CSMD2: variants seen among roughly 807,000 people sequenced by gnomAD.
The protein encoded by CSMD2 is CUB and sushi domain-containing protein 2.
Under a neutral mutation model 398.5 loss-of-function variants are expected in CSMD2, and 130 were observed. The observed-to-expected ratio is 0.33, with a 90% confidence interval of 0.28 to 0.38. CSMD2 has a LOEUF of 0.38. Among genes scored for constraint, CSMD2 ranks in the 10% least tolerant of loss-of-function variants. The probability of loss-of-function intolerance (pLI) is 1.00; values close to 1 mark genes in which losing one functional copy is unlikely to be tolerated. For missense variants in CSMD2, 3,829 were observed against 4,764.9 expected (o/e 0.80, Z 5.78); for synonymous variants, 1,828 against 1,908.5 (o/e 0.96, Z 1.10).
chr1:33,746,884 C>A (rs551195878), intron 13 of CSMD2, among the ~76,000 whole-genome samples: 1 of 152,298 alleles, frequency 6.6e-6, no homozygotes, highest in East Asian at 1.9e-4. Context: ...AAAGTCTGTA[C>A]AAATATTAAT....
At chr1:34,138,186 G>C (rs1638937568) in intron 1 of CSMD2, among the ~76,000 whole-genome samples, 1 of 152,068 alleles carries the variant, frequency 6.6e-6, no homozygotes, top group Admixed American at 6.6e-5. Context: ...TGATCCTTCT[G>C]GGGGGTCCCT....
chr1:34,060,973 C>T (rs1353131641), intron 2 of CSMD2, among the ~76,000 whole-genome samples: 12 of 152,074 alleles, frequency 7.9e-5, no homozygotes, highest in Non-Finnish European at 2.9e-5. Context: ...TCTGTCACGA[C>T]TGGAGACAGC....
At chr1:33,605,981 A>G in intron 41 of CSMD2, 1 of 1,612,300 alleles carries the variant, frequency 6.2e-7, no homozygotes, top group South Asian at 1.1e-5. Context: ...GGTGGGAGTA[A>G]GTCAAATCTG....
At chr1:33,832,363 C>G (rs1659684285) in intron 6 of CSMD2, among the ~76,000 whole-genome samples, 1 of 150,170 alleles carries the variant, frequency 6.7e-6, no homozygotes, top group Non-Finnish European at 1.5e-5. Flanking sequence ...GAAACGGACT[C>G]AAAACCGCTC....
At chr1:33,841,547 A>T (rs967891977) in intron 6 of CSMD2, among the ~76,000 whole-genome samples, 1 of 152,156 alleles carries the variant, frequency 6.6e-6, no homozygotes, top group Admixed American at 6.5e-5. Flanking sequence ...GCATTAAGAA[A>T]GGTTCTTCTC....
At chr1:33,677,271 AC>A (rs1369045354) in intron 25 of CSMD2, among the ~76,000 whole-genome samples, 8 of 152,224 alleles carry the variant, frequency 5.3e-5, no homozygotes, top group African/African-American at 1.9e-4. Flanking sequence ...CAAGAAAAAA[AC>A]AAACAACCCC....
At chr1:34,157,090 T>C (rs1640875546) in intron 1 of CSMD2, among the ~76,000 whole-genome samples, 1 of 152,134 alleles carries the variant, frequency 6.6e-6, no homozygotes, top group African/African-American at 2.4e-5. Context: ...TTTCGGATGG[T>C]TTCCTGGTGG....
chr1:33,907,979 C>T (rs542962416), intron 5 of CSMD2, among the ~76,000 whole-genome samples: 306 of 147,246 alleles, frequency 2.1e-3, no homozygotes, highest in Non-Finnish European at 2.9e-3. Context: ...CCTAGCTATT[C>T]GGGAGGCCGA....
intron 7 of CSMD2, 21 bp from the exon 8 acceptor site, chr1:33,820,577 A>AC (rs1553219373): frequency 1.6e-5 from 19 of 1,180,914 alleles, no homozygotes; most frequent in African/African-American, 4.7e-5. Flanking sequence ...AAAAAAAAAA[A>AC]AAAAAAAAAA....
Position 33,559,156 on chromosome 1 carries a change from T to C in CSMD2, c.8554+144A>G. 1.4e-6 allele frequency: 1 copy of C among 704,268 alleles called. No individual in the cohort carries two copies. Among genetic ancestry groups the C allele is most frequent in the Non-Finnish European group, 2.2e-6 (1 of 450,476 alleles). 43.6% of individuals were successfully genotyped at this position (704,268 alleles called of 1,614,324 possible). Reference sequence around the variant, plus strand: ...CTTTATCTAAGGGTTGAGAAAGTCCTCATTTATGACCCTTCTCTGCTCCAT... The same window carrying C: ...CTTTATCTAAGGGTTGAGAAAGTCCCCATTTATGACCCTTCTCTGCTCCAT... On this transcript the variant is annotated intron_variant, in intron 54 of 70. Coordinates refer to ENST00000373381, the MANE Select transcript of CSMD2 (RefSeq NM_001281956.2). The surrounding 1 kb of genome is among the most constrained non-coding windows in gnomAD (Gnocchi z 4.0).
chr1:33,590,077 A>G lies in CSMD2; in HGVS notation c.6857-2909T>C, dbSNP rs372163492. 1.9e-4 allele frequency among the ~76,000 whole-genome samples: 29 copies of G among 151,954 alleles called. No homozygotes were observed. The East Asian group carries it at 5.0e-3, about 26-fold the overall frequency. ...CTTAAATACAGCCTGGGTACTTTAT[A>G]TTTTGTGATTACTGTTTTGATTGGG... On this transcript the variant is annotated intron_variant, in intron 44 of 70. Coordinates refer to ENST00000373381, the MANE Select transcript of CSMD2 (RefSeq NM_001281956.2).
intron 13 of CSMD2, among the ~76,000 whole-genome samples, chr1:33,763,563 G>A (rs929302054): frequency 6.6e-6 from 1 of 152,214 alleles, no homozygotes; most frequent in East Asian, 1.9e-4. Flanking sequence ...AGTGATGTAT[G>A]TGACTCACAC....
chr1:34,010,934 T>C (rs1647262410), intron 3 of CSMD2, among the ~76,000 whole-genome samples: 1 of 152,156 alleles, frequency 6.6e-6, no homozygotes, highest in Non-Finnish European at 1.5e-5. Context: ...CAGTGATTTG[T>C]TTTTGAGCTT....
At chr1:33,883,040 C>T (rs1419228799) in intron 5 of CSMD2, among the ~76,000 whole-genome samples, 1 of 152,174 alleles carries the variant, frequency 6.6e-6, no homozygotes, top group East Asian at 1.9e-4. Context: ...TTGTCCAGCC[C>T]CTCCTTGACT....
intron 25 of CSMD2, among the ~76,000 whole-genome samples, chr1:33,678,161 C>T (rs1431866760): frequency 6.6e-6 from 1 of 151,734 alleles, no homozygotes; most frequent in Non-Finnish European, 1.5e-5. Context: ...TTCTCTTGCT[C>T]ATTCTCTTGC....
intron 5 of CSMD2, among the ~76,000 whole-genome samples, chr1:33,889,244 A>G (rs1212302674): frequency 6.6e-6 from 1 of 152,238 alleles, no homozygotes; most frequent in African/African-American, 2.4e-5. Flanking sequence ...AAAAACAAAC[A>G]TGACCTGATA....
chr1:33,628,826 A>C (rs1642289752), intron 32 of CSMD2, among the ~76,000 whole-genome samples: 1 of 152,194 alleles, frequency 6.6e-6, no homozygotes. Flanking sequence ...ACAACAAAAA[A>C]AGAAAATCAC....
At chr1:34,093,046 C>T (rs796265577) in intron 1 of CSMD2, among the ~76,000 whole-genome samples, 7 of 152,034 alleles carry the variant, frequency 4.6e-5, no homozygotes, top group Admixed American at 6.6e-5. Context: ...TCTCCCAGTA[C>T]GCAGCTGGAG....
chr1:33,857,097 C>T (rs952343624), intron 5 of CSMD2, among the ~76,000 whole-genome samples: 14 of 152,114 alleles, frequency 9.2e-5, no homozygotes, highest in African/African-American at 3.1e-4. Flanking sequence ...CAAGTATCAT[C>T]AGCTCTAAAC....
Sources: allele counts gnomAD v4.1 joint callset (sites outside exome capture counted in the v4.1 genomes callset), GRCh38; gene constraint gnomAD v4.1.1; non-coding constraint Gnocchi (gnomAD v3.1); transcripts MANE v1.5; gene names NCBI Gene and HGNC (gene_info 2026-07-23, HGNC 2026-07-21).